Variants in LTBP2 observed in about 807,000 individuals in gnomAD.
The protein encoded by LTBP2 is latent-transforming growth factor beta-binding protein 2.
LTBP2 carries 103 observed loss-of-function variants against 210.6 expected under a neutral mutation model. That is an observed-to-expected ratio of 0.49 (90% CI 0.42 to 0.58). The LOEUF (loss-of-function observed/expected upper bound fraction) is 0.58, where lower values mean the gene tolerates loss of function less well. Among genes scored for constraint, LTBP2 ranks in the 20% least tolerant of loss-of-function variants. LTBP2 has a pLI of 0.00. For synonymous variants in LTBP2, 1,007 were observed against 1,015.0 expected (o/e 0.99, Z 0.15); for missense variants, 2,313 against 2,494.5 (o/e 0.93, Z 1.55).
intron 2 of LTBP2, among the ~76,000 whole-genome samples, chr14:74,587,182 C>T (rs1305668401): frequency 1.3e-5 from 2 of 152,122 alleles, no homozygotes; most frequent in East Asian, 1.9e-4. Flanking sequence ...ATGTGAGCCC[C>T]GGAAGCATGG....
At chr14:74,523,430 T>G (rs576413764) in intron 15 of LTBP2, among the ~76,000 whole-genome samples, 1 of 150,650 alleles carries the variant, frequency 6.6e-6, no homozygotes, top group South Asian at 2.1e-4. Context: ...TTGTGAAAGG[T>G]GGGGGTGGGT....
intron 1 of LTBP2, among the ~76,000 whole-genome samples, 157 bp from the exon 2 acceptor site, chr14:74,603,862 T>C (rs965171353): frequency 6.6e-6 from 1 of 152,088 alleles, no homozygotes; most frequent in Non-Finnish European, 1.5e-5. Context: ...TAAGATTGAA[T>C]CCTGACTCTG....
Position 74,611,926 on chromosome 14 carries a change from C to G in LTBP2, c.19G>C (p.Ala7Pro), listed in dbSNP as rs1163868130. 6.3e-7 allele frequency: 1 copy of G among 1,585,976 alleles called. No individual in the cohort carries two copies. Among genetic ancestry groups the G allele is most frequent in the African/African-American group, 1.3e-5 (1 of 74,106 alleles). MRPRTKARSPGRALRNP... is the reference protein window; with the variant it reads MRPRTKPRSPGRALRNP... ...CGCAGGGCGCGCCCCGGGCTGCGGG[C>G]TTTGGTCCGCGGCCTCATGGCGCGG... Residue 7 changes from alanine to proline, a missense_variant, in exon 1 of 36, where the codon GCC (alanine) becomes CCC (proline). Ala to Pro is a conservative substitution (Grantham distance 27). Coordinates refer to ENST00000261978, the MANE Select transcript of LTBP2 (RefSeq NM_000428.3).
intron 17 of LTBP2, among the ~76,000 whole-genome samples, chr14:74,517,292 C>A (rs2087148335): frequency 6.6e-6 from 1 of 152,180 alleles, no homozygotes; most frequent in South Asian, 2.1e-4. Flanking sequence ...AGGACTCCCA[C>A]CCCGCTCCTG....
intron 3 of LTBP2, among the ~76,000 whole-genome samples, chr14:74,571,913 C>A (rs906057710): frequency 6.6e-6 from 1 of 151,948 alleles, no homozygotes. Flanking sequence ...AAAAAGTACT[C>A]CACTTCCTTT....
At chr14:74,579,818 A>C (rs1381811815) in intron 3 of LTBP2, among the ~76,000 whole-genome samples, 1 of 152,240 alleles carries the variant, frequency 6.6e-6, no homozygotes, top group African/African-American at 2.4e-5. Context: ...CCTCACCAAC[A>C]GAACGGCAAC....
intron 9 of LTBP2, among the ~76,000 whole-genome samples, chr14:74,535,443 T>C (rs941521102): frequency 6.6e-6 from 1 of 152,108 alleles, no homozygotes; most frequent in African/African-American, 2.4e-5. Flanking sequence ...GTGCTCCCCG[T>C]CCCCTTTCCT....
rs572349175 is a variant in LTBP2, at chr14:74,523,134, T to A, written c.2531-216A>T. ...CGAGCCCTACCCAGGATGGAGGTCA[T>A]AGTAGGGCATCCCCCTCACCGAGAT... On this transcript the variant is annotated intron_variant, in intron 15 of 35. Transcript: ENST00000261978. 9.9e-5 allele frequency among the ~76,000 whole-genome samples: 15 copies of A among 152,140 alleles called. No homozygotes were observed. The South Asian group carries it at 1.7e-3, about 17-fold the overall frequency.
chr14:74,528,069 G>A (rs984796157), intron 12 of LTBP2, among the ~76,000 whole-genome samples: 1 of 152,188 alleles, frequency 6.6e-6, no homozygotes, highest in Non-Finnish European at 1.5e-5. Context: ...CCGTTGAGCT[G>A]GAGTTAGCAC....
chr14:74,529,085 G>A lies in LTBP2; in HGVS notation c.2025C>T (p.Tyr675=). 6.4e-7 allele frequency: 1 copy of A among 1,554,390 alleles called. No individual in the cohort carries two copies. Among genetic ancestry groups the A allele is most frequent in the South Asian group, 1.2e-5 (1 of 84,410 alleles). The change falls in exon 11 of 36, where the codon TAC becomes TAT. Residue 675 remains tyrosine (Y), a synonymous_variant. Transcript: ENST00000261978. The part of the protein sequence containing the change: ...KAISMLQGLC[Y]RSLGPGTCTL... ...TGCAGGTGCCGGGCCCCAGCGACCG[G>A]TAGCACAGTCCCTGCAGCATGGAGA...
chr14:74,544,834 G>C (rs2087557600), intron 8 of LTBP2, among the ~76,000 whole-genome samples: 1 of 152,032 alleles, frequency 6.6e-6, no homozygotes, highest in African/African-American at 2.4e-5. Flanking sequence ...TTTTATTGCT[G>C]GGCGCCTGCA....
chr14:74,506,890 T>C (rs113415720), intron 26 of LTBP2, 67 bp from the exon 27 acceptor site: 45 of 1,225,586 alleles, frequency 3.7e-5, no homozygotes, highest in Middle Eastern at 4.9e-4. Flanking sequence ...CGCGCGCGCG[T>C]GTGTGCTCAC....
chr14:74,586,224 C>A lies in LTBP2; in HGVS notation c.566-106G>T. The A allele has an allele frequency of 1.5e-6, 2 of 1,320,650 alleles. No individual in the cohort carries two copies. The highest frequency in any genetic ancestry group is 2.7e-5 in the South Asian group (2 of 73,234). 81.8% of individuals were successfully genotyped at this position (1,320,650 alleles called of 1,614,324 possible). ...GCCCTCCTGAGTGCTGCAACCCTGT[C>A]GCTCAAGCAGGAAGCCACTCTCCTG... On this transcript the variant is annotated intron_variant, in intron 2 of 35. Coordinates refer to ENST00000261978, the MANE Select transcript of LTBP2 (RefSeq NM_000428.3). The surrounding 1 kb of genome is among the most constrained non-coding windows in gnomAD (Gnocchi z 4.6).
At chr14:74,560,752 G>T (rs920728052) in intron 3 of LTBP2, among the ~76,000 whole-genome samples, 1 of 152,174 alleles carries the variant, frequency 6.6e-6, no homozygotes, top group Non-Finnish European at 1.5e-5. Context: ...CCCAAAAATA[G>T]CAATCAACAA....
chr14:74,569,855 A>G (rs11626424), intron 3 of LTBP2, among the ~76,000 whole-genome samples: 57,985 of 151,728 alleles, frequency 0.38, 12,781 homozygotes, highest in Non-Finnish European at 0.51. Context: ...TAGCTGGCCC[A>G]AGCTCACGTA....
intron 18 of LTBP2, 33 bp downstream of exon 18, chr14:74,516,789 T>A: frequency 3.6e-6 from 2 of 551,332 alleles, no homozygotes; most frequent in Non-Finnish European, 5.4e-6. Context: ...GGTGGTGGGG[T>A]GGCAGGGCGC....
At chr14:74,595,087 C>A (rs1447371448) in intron 2 of LTBP2, among the ~76,000 whole-genome samples, 1 of 152,250 alleles carries the variant, frequency 6.6e-6, no homozygotes, top group Non-Finnish European at 1.5e-5. Context: ...CCGTTCTTGG[C>A]CCCTCACTTG....
chr14:74,603,793 G>A, intron 1 of LTBP2, 88 bp from the exon 2 acceptor site: 2 of 1,066,590 alleles, frequency 1.9e-6, no homozygotes, highest in Non-Finnish European at 2.9e-6. Flanking sequence ...CCTTCTAGAG[G>A]CAGGGCCTGG....
chr14:74,534,152 C>T (rs1295843901), intron 9 of LTBP2, among the ~76,000 whole-genome samples: 1 of 152,194 alleles, frequency 6.6e-6, no homozygotes, highest in Non-Finnish European at 1.5e-5. Context: ...CATATGCATC[C>T]AGACTGTGGC....
Sources: gnomAD v4.1 joint callset for allele counts (sites outside exome capture counted in the v4.1 genomes callset) on GRCh38, gnomAD v4.1.1 for gene constraint, Gnocchi (gnomAD v3.1) non-coding constraint, MANE v1.5 for transcripts, NCBI Gene and HGNC (gene_info 2026-07-23, HGNC 2026-07-21) for gene names.